Variants in PPP4R1 observed in about 807,000 individuals in gnomAD.
PPP4R1 encodes the protein serine/threonine-protein phosphatase 4 regulatory subunit 1.
PPP4R1 carries 42 observed loss-of-function variants against 111.2 expected under a neutral mutation model. The ratio of observed to expected loss-of-function variants is 0.38; its 90% CI spans 0.29 to 0.49. The LOEUF is 0.49. Ranked by LOEUF, PPP4R1 falls within the 20% of genes least tolerant of loss-of-function variation. The pLI is 0.97. For missense variants in PPP4R1, 1,012 were observed against 1,161.6 expected (o/e 0.87, Z 1.87); for synonymous variants, 409 against 405.5 (o/e 1.01, Z -0.10).
chr18:9,585,123 T>C (rs1329268986), intron 6 of PPP4R1, among the ~76,000 whole-genome samples: 3 of 152,188 alleles, frequency 2.0e-5, no homozygotes, highest in Non-Finnish European at 2.9e-5. Flanking sequence ...TCCATCTTAC[T>C]ACTACTTCAT....
In PPP4R1 at chr18:9,614,469, G is replaced by A. The variant is rs998607588; in HGVS notation, c.7+9C>T. On this transcript the variant is annotated intron_variant, in intron 1 of 19. Transcript: ENST00000400556. The surrounding 1 kb of genome is among the most constrained non-coding windows in gnomAD (Gnocchi z 4.1). ...GCCGCCGCCGCCCGGAGAACAGGGGGCCACGTACCCGCCATCTTGTGGTCG... is the reference window on the plus strand; with the variant it reads ...GCCGCCGCCGCCCGGAGAACAGGGGACCACGTACCCGCCATCTTGTGGTCG... 2.9e-5 allele frequency: 30 copies of A among 1,033,590 alleles called. No homozygotes were observed. Among genetic ancestry groups the A allele is most frequent in the African/African-American group, 5.2e-5 (3 of 57,730 alleles). 64.0% of individuals were successfully genotyped at this position (1,033,590 alleles called of 1,614,324 possible).
chr18:9,549,436 T>G, intron 18 of PPP4R1, 98 bp from the exon 19 acceptor site: 1 of 1,444,900 alleles, frequency 6.9e-7, no homozygotes, highest in South Asian at 1.3e-5. Flanking sequence ...AGGTACAAAT[T>G]TTAGTTATTG....
rs1288078475 is a variant in PPP4R1 at position 9,574,971 on chromosome 18, T to C, written c.1046+2093A>G. 3.3e-5 allele frequency among the ~76,000 whole-genome samples: 5 copies of C among 152,358 alleles called. No individual in the cohort carries two copies. In the East Asian group the frequency reaches 7.7e-4, roughly 23 times the overall value. ...GATTTGAGTATTTCAACTCTGCTTC[T>C]GAGAAGTAGGCTTTATCAGCACTTT... On this transcript the variant is annotated intron_variant, in intron 10 of 19. Transcript: ENST00000400556.
chr18:9,563,361 T>C lies in PPP4R1; in HGVS notation c.1746+17A>G. 6.3e-7 allele frequency: 1 copy of C among 1,594,062 alleles called. No individual in the cohort carries two copies. Among genetic ancestry groups the C allele is most frequent in the Non-Finnish European group, 8.6e-7 (1 of 1,167,934 alleles). ...CAAACTACTCTCATTTGGTAAACAC[T>C]TTACTGAGTTTGTTACCTCAACAGC... On this transcript the variant is annotated intron_variant, in intron 12 of 19. Transcript: ENST00000400556.
intron 2 of PPP4R1, among the ~76,000 whole-genome samples, chr18:9,607,761 G>C (rs1174020152): frequency 6.7e-6 from 1 of 149,698 alleles, no homozygotes; most frequent in East Asian, 2.0e-4. Context: ...TTGGAAAACA[G>C]TTTGGCAGTT....
intron 4 of PPP4R1, among the ~76,000 whole-genome samples, chr18:9,592,037 T>C (rs1381943485): frequency 6.6e-6 from 1 of 152,190 alleles, no homozygotes; most frequent in Non-Finnish European, 1.5e-5. Flanking sequence ...GCCACTCTGC[T>C]CTAGCTTGGG....
chr18:9,550,405 A>C lies in PPP4R1; in HGVS notation c.2292-7T>G. 1.9e-6 allele frequency: 3 copies of C among 1,574,868 alleles called. No individual in the cohort carries two copies. The highest frequency in any genetic ancestry group is 2.6e-6 in the Non-Finnish European group (3 of 1,159,210). On this transcript the variant is annotated splice_region_variant and splice_polypyrimidine_tract_variant and intron_variant, in intron 16 of 19. Transcript: ENST00000400556. ...TAGAAGTAAAATCAGCTGTCTACAA[A>C]AAGGAATTACAAAAAGACAATGTTT...
intron 12 of PPP4R1, 145 bp from the exon 13 acceptor site, chr18:9,562,220 C>T (rs2061693): frequency 5.1e-6 from 3 of 585,358 alleles, no homozygotes; most frequent in Non-Finnish European, 8.7e-6. Flanking sequence ...ATAAACATAC[C>T]TAAGAACCTA....
chr18:9,593,626 T>A (rs530520082), intron 4 of PPP4R1, 142 bp downstream of exon 4: 74 of 713,044 alleles, frequency 1.0e-4, no homozygotes, highest in Non-Finnish European at 1.5e-4. Context: ...ACTTTTGTTG[T>A]CACTGATGGG....
intron 11 of PPP4R1, among the ~76,000 whole-genome samples, chr18:9,566,700 C>T (rs1044186890): frequency 6.7e-6 from 1 of 149,688 alleles, no homozygotes; most frequent in Non-Finnish European, 1.5e-5. Flanking sequence ...CACGTTAAAA[C>T]CAATGCTCAT....
intron 2 of PPP4R1, among the ~76,000 whole-genome samples, chr18:9,602,802 C>T (rs528266235): frequency 3.6e-5 from 5 of 137,420 alleles, no homozygotes; most frequent in East Asian, 4.0e-4. Flanking sequence ...ACCTGGGCGA[C>T]GTACTGAGAC....
chr18:9,588,927 C>A, intron 4 of PPP4R1, 74 bp from the exon 5 acceptor site: 2 of 1,526,796 alleles, frequency 1.3e-6, no homozygotes, highest in Admixed American at 2.1e-5. Flanking sequence ...CTTGAGGGTA[C>A]TTAGGAAGGC....
At chr18:9,591,828 A>G (rs993387831) in intron 4 of PPP4R1, among the ~76,000 whole-genome samples, 1 of 152,222 alleles carries the variant, frequency 6.6e-6, no homozygotes, top group Non-Finnish European at 1.5e-5. Context: ...GCACTTTGGG[A>G]GCTTGAGGCA....
At chr18:9,549,398 C>T in intron 18 of PPP4R1, 60 bp from the exon 19 acceptor site, 1 of 1,545,182 alleles carries the variant, frequency 6.5e-7, no homozygotes, top group Non-Finnish European at 8.8e-7. Flanking sequence ...AACTCGACTA[C>T]TGGCTAACAA....
rs564020234 is a variant in PPP4R1, at chr18:9,546,876, T to C, written c.*913A>G. ...CACAAATTGCATTTATTGGTAGACA[T>C]CTAGAAAACAATCAAAAGTGTATAT... On this transcript the variant is annotated 3_prime_UTR_variant, in exon 20 of 20. Transcript: ENST00000400556. 3 of 152,322 alleles carry C rather than the reference T, an allele frequency of 2.0e-5. No individual in the cohort carries two copies. The South Asian group carries it at 6.2e-4, about 32-fold the overall frequency. The allele number at this position is 152,322 out of a possible 1,614,324, so 9.4% of individuals were successfully genotyped here.
intron 2 of PPP4R1, among the ~76,000 whole-genome samples, chr18:9,605,400 T>C (rs1317370043): frequency 1.3e-5 from 2 of 151,858 alleles, no homozygotes; most frequent in South Asian, 2.1e-4. Flanking sequence ...TATTTCCCCA[T>C]TGTCAAACTA....
At chr18:9,601,791 C>T (rs2067387970) in intron 2 of PPP4R1, among the ~76,000 whole-genome samples, 1 of 152,142 alleles carries the variant, frequency 6.6e-6, no homozygotes, top group East Asian at 2.0e-4. Context: ...CCGTGCCTGG[C>T]CAAAAGAATG....
intron 14 of PPP4R1, among the ~76,000 whole-genome samples, chr18:9,558,903 G>C (rs779069930): frequency 6.6e-6 from 1 of 152,102 alleles, no homozygotes; most frequent in Non-Finnish European, 1.5e-5. Flanking sequence ...TCTGTTGAAA[G>C]GGGTTGGGGG....
chr18:9,549,927 G>A, intron 18 of PPP4R1, 125 bp downstream of exon 18: 1 of 1,387,118 alleles, frequency 7.2e-7, no homozygotes, highest in South Asian at 1.4e-5. Context: ...CCTATAAACA[G>A]CCAGGCTACT....
Sources: allele counts gnomAD v4.1 joint callset (sites outside exome capture counted in the v4.1 genomes callset), GRCh38; gene constraint gnomAD v4.1.1; non-coding constraint Gnocchi (gnomAD v3.1); transcripts MANE v1.5; gene names NCBI Gene and HGNC (gene_info 2026-07-23, HGNC 2026-07-21).